Variants in KCNH7 observed in about 807,000 individuals in gnomAD.
KCNH7 encodes voltage-gated inwardly rectifying potassium channel KCNH7.
Under a neutral mutation model 120.8 loss-of-function variants are expected in KCNH7, and 49 were observed. That is an observed-to-expected ratio of 0.41 (90% CI 0.32 to 0.51). KCNH7 has a LOEUF of 0.51. KCNH7 is among the 20% of genes least tolerant of loss of function. The pLI, the probability that KCNH7 is intolerant of heterozygous loss-of-function variation, is 0.38. For synonymous variants in KCNH7, 547 were observed against 516.1 expected (o/e 1.06, Z -0.81); for missense variants, 1,097 against 1,446.6 (o/e 0.76, Z 3.92).
chr2:162,767,294 G>C (rs1434995), intron 2 of KCNH7, among the ~76,000 whole-genome samples: 42,281 of 151,660 alleles, frequency 0.28, 6,761 homozygotes, highest in African/African-American at 0.45. Flanking sequence ...AAAATAAGCA[G>C]TATATACATT....
At chr2:162,377,398 C>T (rs1365520207) in intron 14 of KCNH7, among the ~76,000 whole-genome samples, 3 of 151,956 alleles carry the variant, frequency 2.0e-5, no homozygotes, top group South Asian at 2.1e-4. Context: ...TATGGGAATA[C>T]GCAACACAAT....
At chr2:162,507,991 G>A (rs1690940901) in intron 5 of KCNH7, among the ~76,000 whole-genome samples, 1 of 151,430 alleles carries the variant, frequency 6.6e-6, no homozygotes. Flanking sequence ...ATTGTGTTAT[G>A]TTTTCTAGTG....
chr2:162,720,103 G>T (rs1322387759), intron 2 of KCNH7, among the ~76,000 whole-genome samples: 1 of 151,938 alleles, frequency 6.6e-6, no homozygotes, highest in Non-Finnish European at 1.5e-5. Flanking sequence ...CACACTTCAT[G>T]CTGAATCCAA....
chr2:162,691,868 T>C (rs990388813), intron 2 of KCNH7, among the ~76,000 whole-genome samples: 1 of 152,160 alleles, frequency 6.6e-6, no homozygotes, highest in South Asian at 2.1e-4. Context: ...AATTGAAAGA[T>C]TGTGAAACAA....
At position 162,599,796 on chromosome 2, in the gene KCNH7, A is replaced by G. The variant is rs1307528884; in HGVS notation, c.308-62716T>C. ...ACATTGTACATTTTATAAAGTCCAA[A>G]TTACTCTACTTTTCTTAATTGTACA... On this transcript the variant is annotated intron_variant, in intron 2 of 15. Transcript: ENST00000332142. 2.0e-5 allele frequency among the ~76,000 whole-genome samples: 3 copies of G among 152,160 alleles called. No individual in the cohort carries two copies. In the East Asian group the frequency reaches 5.8e-4, roughly 29 times the overall value.
At chr2:162,592,223 T>G (rs1268222860) in intron 2 of KCNH7, among the ~76,000 whole-genome samples, 3 of 152,110 alleles carry the variant, frequency 2.0e-5, no homozygotes, top group Non-Finnish European at 1.5e-5. Context: ...AGTCTCCTGA[T>G]AGATAAAGGT....
chr2:162,485,177 T>G (rs1157003001), intron 6 of KCNH7, among the ~76,000 whole-genome samples: 3 of 152,188 alleles, frequency 2.0e-5, no homozygotes. Context: ...TTCATGTTAA[T>G]TTTTTCGCTT....
At chr2:162,722,813 CTTT>C (rs894023630) in intron 2 of KCNH7, among the ~76,000 whole-genome samples, 7 of 85,102 alleles carry the variant, frequency 8.2e-5, no homozygotes, top group African/African-American at 3.0e-4. Context: ...TTCTTTTTTT[CTTT>C]TTTTTTTTTT....
chr2:162,602,327 G>A (rs564074975), intron 2 of KCNH7, among the ~76,000 whole-genome samples: 2 of 152,058 alleles, frequency 1.3e-5, no homozygotes, highest in African/African-American at 4.8e-5. Flanking sequence ...AAAGTCTGAG[G>A]CATGGTGGCT....
intron 2 of KCNH7, among the ~76,000 whole-genome samples, chr2:162,612,525 A>G (rs897591907): frequency 2.0e-5 from 3 of 152,174 alleles, no homozygotes; most frequent in Non-Finnish European, 2.9e-5. Context: ...GTAAATTATC[A>G]TAAGTAATTG....
At chr2:162,663,633 C>CAAATCT (rs1479701182) in intron 2 of KCNH7, among the ~76,000 whole-genome samples, 3 of 152,002 alleles carry the variant, frequency 2.0e-5, no homozygotes, top group Non-Finnish European at 4.4e-5. Context: ...AATTGAAATG[C>CAAATCT]AAATCTAAAC....
At chr2:162,734,456 G>A (rs1383529679) in intron 2 of KCNH7, among the ~76,000 whole-genome samples, 2 of 152,060 alleles carry the variant, frequency 1.3e-5, no homozygotes, top group African/African-American at 2.4e-5. Flanking sequence ...GCACTAAAGC[G>A]ACATGGTGTC....
chr2:162,749,753 G>A (rs56338031), intron 2 of KCNH7, among the ~76,000 whole-genome samples: 2,806 of 152,028 alleles, frequency 0.018, 66 homozygotes, highest in East Asian at 0.077. Context: ...TACATCTCAA[G>A]GGCAAATTCA....
intron 2 of KCNH7, among the ~76,000 whole-genome samples, chr2:162,767,374 T>A (rs1415704307): frequency 2.0e-5 from 3 of 152,110 alleles, no homozygotes; most frequent in Non-Finnish European, 4.4e-5. Context: ...CCACAAACAA[T>A]AAATGAAAGC....
At chr2:162,422,529 G>C (rs1416233264) in intron 9 of KCNH7, among the ~76,000 whole-genome samples, 1 of 151,980 alleles carries the variant, frequency 6.6e-6, no homozygotes, top group Non-Finnish European at 1.5e-5. Context: ...ATTTGGATTT[G>C]TTGTATAATT....
chr2:162,492,289 T>C (rs1311505950), intron 6 of KCNH7, among the ~76,000 whole-genome samples: 1 of 152,218 alleles, frequency 6.6e-6, no homozygotes, highest in Non-Finnish European at 1.5e-5. Context: ...GTGGGCCTAG[T>C]CTCCCATAAG....
At chr2:162,741,707 G>GTTTT (rs1447775312) in intron 2 of KCNH7, among the ~76,000 whole-genome samples, 1 of 151,802 alleles carries the variant, frequency 6.6e-6, no homozygotes, top group Non-Finnish European at 1.5e-5. Context: ...TAAACATAAT[G>GTTTT]GTATTTTATG....
intron 2 of KCNH7, among the ~76,000 whole-genome samples, chr2:162,601,217 A>C (rs1252271404): frequency 6.6e-6 from 1 of 151,928 alleles, no homozygotes; most frequent in East Asian, 1.9e-4. Flanking sequence ...ACGGGTGGTC[A>C]GTGGTTTATA....
intron 9 of KCNH7, among the ~76,000 whole-genome samples, chr2:162,417,105 C>A (rs974076149): frequency 3.9e-5 from 6 of 152,010 alleles, no homozygotes; most frequent in African/African-American, 1.4e-4. Flanking sequence ...TTGGGTGGAC[C>A]ATTTTCATAT....
Sources: gnomAD v4.1 joint callset for allele counts (sites outside exome capture counted in the v4.1 genomes callset) on GRCh38, gnomAD v4.1.1 for gene constraint, MANE v1.5 for transcripts, NCBI Gene and HGNC (gene_info 2026-07-23, HGNC 2026-07-21) for gene names.